GMDS: variants seen among roughly 807,000 people sequenced by gnomAD.
GMDS encodes the protein GDP-mannose 4,6-dehydratase.
In GMDS, 20 loss-of-function variants were observed where a neutral mutation model predicts 49.9. The observed-to-expected ratio is 0.40, with a 90% CI of 0.28 to 0.58. GMDS has a LOEUF of 0.58. Among genes scored for constraint, GMDS ranks in the 20% least tolerant of loss-of-function variants. The probability of loss-of-function intolerance (pLI) is 0.42; values close to 1 mark genes in which losing one functional copy is unlikely to be tolerated. For synonymous variants in GMDS, 177 were observed against 178.6 expected (o/e 0.99, Z 0.07); for missense variants, 362 against 481.4 (o/e 0.75, Z 2.32).
At chr6:2,153,562 T>G (rs1426715819) in intron 1 of GMDS, among the ~76,000 whole-genome samples, 1 of 152,068 alleles carries the variant, frequency 6.6e-6, no homozygotes, top group Non-Finnish European at 1.5e-5. Flanking sequence ...AGTTCATATA[T>G]AAATGAACTC....
chr6:1,820,785 C>G (rs1214145744), intron 7 of GMDS, among the ~76,000 whole-genome samples: 1 of 152,170 alleles, frequency 6.6e-6, no homozygotes, highest in Non-Finnish European at 1.5e-5. Flanking sequence ...TAACTGCAAG[C>G]CTGCTGCTTT....
chr6:1,860,948 C>G (rs537203009), intron 7 of GMDS, among the ~76,000 whole-genome samples: 2 of 152,326 alleles, frequency 1.3e-5, no homozygotes, highest in Admixed American at 1.3e-4. Flanking sequence ...ACTAACTGCA[C>G]CAGTCAGCAG....
chr6:2,071,491 T>G lies in GMDS; in HGVS notation c.345+44280A>C, dbSNP rs149002715. On this transcript the variant is annotated intron_variant, in intron 4 of 10. Transcript: ENST00000380815. ...ACAAAGACAATGCTGTACACATTTG[T>G]ATATCCCACATGGCTACCTCTTAAT... 5.9e-5 allele frequency among the ~76,000 whole-genome samples: 9 copies of G among 152,192 alleles called. No homozygotes were observed. In the East Asian group the frequency reaches 1.7e-3, roughly 29 times the overall value.
chr6:2,103,993 T>G (rs1054827472), intron 4 of GMDS, among the ~76,000 whole-genome samples: 1 of 152,174 alleles, frequency 6.6e-6, no homozygotes, highest in Non-Finnish European at 1.5e-5. Flanking sequence ...GAGCAAACGT[T>G]CCCAGGGAAT....
chr6:1,768,513 G>C (rs907211154), intron 7 of GMDS, among the ~76,000 whole-genome samples: 1 of 152,168 alleles, frequency 6.6e-6, no homozygotes, highest in East Asian at 1.9e-4. Flanking sequence ...GAGGTACTAC[G>C]TTTACTCATT....
At chr6:1,764,662 T>C (rs1279410895) in intron 7 of GMDS, among the ~76,000 whole-genome samples, 1 of 152,186 alleles carries the variant, frequency 6.6e-6, no homozygotes, top group Non-Finnish European at 1.5e-5. Flanking sequence ...CGTCAAGATA[T>C]GATGTGATAA....
intron 4 of GMDS, among the ~76,000 whole-genome samples, chr6:2,094,639 C>A (rs1024514014): frequency 6.6e-6 from 1 of 152,090 alleles, no homozygotes; most frequent in Non-Finnish European, 1.5e-5. Flanking sequence ...AGTGGGTAGG[C>A]ATATTTGGTG....
intron 9 of GMDS, among the ~76,000 whole-genome samples, chr6:1,689,195 T>G (rs1441294421): frequency 6.6e-6 from 1 of 152,180 alleles, no homozygotes; most frequent in African/African-American, 2.4e-5. Context: ...TGTGTGGGAT[T>G]CCATACTTCA....
At chr6:1,823,802 T>C (rs1395917633) in intron 7 of GMDS, among the ~76,000 whole-genome samples, 2 of 151,428 alleles carry the variant, frequency 1.3e-5, no homozygotes, top group East Asian at 1.9e-4. Flanking sequence ...TGTTAGAATA[T>C]ATGCATAAAT....
intron 6 of GMDS, among the ~76,000 whole-genome samples, chr6:1,959,008 GA>G (rs1763793118): frequency 6.6e-6 from 1 of 152,220 alleles, no homozygotes; most frequent in East Asian, 1.9e-4. Flanking sequence ...CAACAACTCT[GA>G]AAAGGCAACA....
chr6:2,158,316 G>C lies in GMDS; in HGVS notation c.103-33585C>G, dbSNP rs188294794. ...CAGAATTCAAAGGCTATCTCAATTT[G>C]ACATTCATGTAACTGCTCTGGGAGG... On this transcript the variant is annotated intron_variant, in intron 1 of 10. Coordinates refer to ENST00000380815, the MANE Select transcript of GMDS (RefSeq NM_001500.4). 4.7e-4 allele frequency among the ~76,000 whole-genome samples: 72 copies of C among 152,182 alleles called. No individual in the cohort carries two copies. In the East Asian group the frequency reaches 9.7e-3, roughly 20 times the overall value.
rs780716793 is a variant in GMDS at position 1,635,472 on chromosome 6, C to T, written c.988-10932G>A. 3.3e-5 allele frequency among the ~76,000 whole-genome samples: 5 copies of T among 152,194 alleles called. No homozygotes were observed. Among genetic ancestry groups the T allele is most frequent in the Admixed American group, 2.0e-4 (3 of 15,280 alleles). On this transcript the variant is annotated intron_variant, in intron 9 of 10. Transcript: ENST00000380815. This position sits in a 1 kb window ranked among gnomAD's most constrained non-coding sequence, Gnocchi z 4.7. ...ACATCATAAAAGCCTGATTTATCGC[C>T]GGCCACCAAACATCTAGAAAATCAT...
rs553665688 is a variant in GMDS, at chr6:1,958,134, T to A, written c.643+1733A>T. ...AAATATGTTTTTTTTTTTTTTTTTT[T>A]AGTTAGTGGTTAACATCTACAAAGA... On this transcript the variant is annotated intron_variant, in intron 6 of 10. Coordinates refer to ENST00000380815, the MANE Select transcript of GMDS (RefSeq NM_001500.4). 1.5e-3 allele frequency among the ~76,000 whole-genome samples: 199 copies of A among 136,246 alleles called. 1 individual carries two copies. The highest frequency in any genetic ancestry group is 2.3e-3 in the Non-Finnish European group (142 of 62,672). 89.4% of individuals were successfully genotyped at this position (136,246 alleles called of 152,430 possible).
chr6:2,073,720 A>C (rs527771040), intron 4 of GMDS, among the ~76,000 whole-genome samples: 3 of 152,278 alleles, frequency 2.0e-5, no homozygotes, highest in African/African-American at 7.2e-5. Context: ...TACTGCCACA[A>C]GGGTAAGTTT....
intron 7 of GMDS, among the ~76,000 whole-genome samples, chr6:1,874,009 G>A (rs193090443): frequency 6.6e-6 from 1 of 152,338 alleles, no homozygotes; most frequent in East Asian, 1.9e-4. Flanking sequence ...ACAGCTTGCA[G>A]GAGGCAGACG....
intron 7 of GMDS, among the ~76,000 whole-genome samples, chr6:1,808,902 C>CTGTGTGTGTG (rs530398323): frequency 4.2e-4 from 53 of 127,346 alleles, no homozygotes; most frequent in African/African-American, 1.3e-3. Context: ...TGCATGCTCT[C>CTGTGTGTGTG]TCTGTGTGTG....
At chr6:1,918,272 T>G (rs1454362029) in intron 7 of GMDS, among the ~76,000 whole-genome samples, 1 of 151,916 alleles carries the variant, frequency 6.6e-6, no homozygotes, top group Non-Finnish European at 1.5e-5. Flanking sequence ...GGAAATAGAG[T>G]GATGATCACA....
At chr6:2,190,820 C>A (rs1778980277) in intron 1 of GMDS, among the ~76,000 whole-genome samples, 1 of 152,134 alleles carries the variant, frequency 6.6e-6, no homozygotes, top group South Asian at 2.1e-4. Flanking sequence ...GAGGCGGCAG[C>A]AGGAGCGGCT....
Position 1,950,017 on chromosome 6 carries a change from A to G in GMDS, c.643+9850T>C, listed in dbSNP as rs1394229454. Reference sequence around the variant, plus strand: ...TGCCTGTTTGATACTTCTACAGTGCATGATTTGAATTTGCCAAACTGGCCA... The same window carrying G: ...TGCCTGTTTGATACTTCTACAGTGCGTGATTTGAATTTGCCAAACTGGCCA... On this transcript the variant is annotated intron_variant, in intron 6 of 10. Transcript: ENST00000380815. 1.1e-4 allele frequency among the ~76,000 whole-genome samples: 17 copies of G among 152,238 alleles called. 1 individual carries two copies. The highest frequency in any genetic ancestry group is 1.1e-3 in the Admixed American group (17 of 15,280).
Sources: gnomAD v4.1 joint callset for allele counts (sites outside exome capture counted in the v4.1 genomes callset) on GRCh38, gnomAD v4.1.1 for gene constraint, Gnocchi (gnomAD v3.1) non-coding constraint, MANE v1.5 for transcripts, NCBI Gene and HGNC (gene_info 2026-07-23, HGNC 2026-07-21) for gene names.